MYL1: variants seen among roughly 807,000 people sequenced by gnomAD.
The protein encoded by MYL1 is myosin light chain 1, also known as myosin light chain 1/3, skeletal muscle isoform.
A neutral mutation model predicts 21.8 loss-of-function variants in MYL1; 16 were observed. The observed-to-expected ratio is 0.74, with a 90% CI of 0.50 to 1.12. MYL1 has a LOEUF of 1.12. Ranked by LOEUF, MYL1 falls within the 50% of genes most tolerant of loss-of-function variation. The pLI is 0.00. For synonymous variants in MYL1, 99 were observed against 85.2 expected (o/e 1.16, Z -0.89); for missense variants, 246 against 241.0 (o/e 1.02, Z -0.14).
intron 4 of MYL1, 121 bp from the exon 5 acceptor site, chr2:210,293,921 C>T (rs1449596487): frequency 2.4e-6 from 2 of 846,752 alleles, no homozygotes; most frequent in Non-Finnish European, 3.8e-6. Flanking sequence ...TGTGACTTTC[C>T]CATTCTTTTG....
At position 210,314,797 on chromosome 2, in the gene MYL1, G is replaced by A. The variant is rs374661582; in HGVS notation, c.132+114C>T. 3.6e-5 allele frequency: 41 copies of A among 1,148,906 alleles called. No homozygotes were observed. The African/African-American group carries it at 5.2e-4, about 15-fold the overall frequency. The allele number at this position is 1,148,906 out of a possible 1,614,324, so 71.2% of individuals were successfully genotyped here. On this transcript the variant is annotated intron_variant, in intron 1 of 6. Transcript: ENST00000352451. ...GGATTCTCTTCTTCATAATCTACCA[G>A]CTCACTAAATAATGCTATTCCTCTC...
At position 210,294,253 on chromosome 2, in the gene MYL1, G is replaced by A. The variant is rs772171298; in HGVS notation, c.470C>T (p.Ala157Val). The change falls in exon 4 of 7, where the codon GCC becomes GTC. Residue 157 changes from alanine to valine, a missense_variant. By Grantham distance (64) the Ala-to-Val change is moderately conservative (BLOSUM62 0). Coordinates refer to ENST00000352451, the MANE Select transcript of MYL1 (RefSeq NM_079420.3). ...VMGAELRHVL[A>V]TLGEKMKEEE... ...GAAATAAATTCCCTTACCCAGGGTG[G>A]CTAGAACATGGCGGAGTTCAGCACC... 2.5e-6 allele frequency: 4 copies of A among 1,611,272 alleles called. No homozygotes were observed. Among genetic ancestry groups the A allele is most frequent in the Non-Finnish European group, 3.4e-6 (4 of 1,178,852 alleles).
rs565301284 is a variant in MYL1 at position 210,302,885 on chromosome 2, T to C, written c.133-370A>G. 3.0e-5 allele frequency: 42 copies of C among 1,382,876 alleles called. No individual in the cohort carries two copies. The African/African-American group carries it at 5.8e-4, about 19-fold the overall frequency. The allele number at this position is 1,382,876 out of a possible 1,614,324, so 85.7% of individuals were successfully genotyped here. ...TGAGTGCTGGTTGCTCTGAGATTTT[T>C]AGGAAGCTATGTAGGTGTCTTGGCA... On this transcript the variant is annotated intron_variant, in intron 1 of 6. Transcript: ENST00000352451.
chr2:210,302,197 T>C (rs1690273879), intron 2 of MYL1, among the ~76,000 whole-genome samples: 1 of 152,158 alleles, frequency 6.6e-6, no homozygotes, highest in South Asian at 2.1e-4. Context: ...TATATATATA[T>C]ATGTATGGTA....
Position 210,291,152 on chromosome 2 carries a change from G to C in MYL1, c.557-78C>G. ...ATTTAATAAAAGAGAGGTTTAATGA[G>C]TTAGCTCAATCCTATTTTTAGCTGT... On this transcript the variant is annotated intron_variant, in intron 5 of 6. Transcript: ENST00000352451. 7.1e-6 allele frequency: 8 copies of C among 1,133,118 alleles called. No individual in the cohort carries two copies. The South Asian group carries it at 1.0e-4, about 15-fold the overall frequency. 70.2% of individuals were successfully genotyped at this position (1,133,118 alleles called of 1,614,324 possible).
intron 1 of MYL1, chr2:210,303,715 G>T: frequency 1.2e-6 from 1 of 814,114 alleles, no homozygotes; most frequent in Non-Finnish European, 1.8e-6. Context: ...CCCTTGGAGA[G>T]TTCTTTAGCT....
chr2:210,311,557 A>G (rs538752226), intron 1 of MYL1, among the ~76,000 whole-genome samples: 15 of 152,066 alleles, frequency 9.9e-5, no homozygotes, highest in Non-Finnish European at 2.1e-4. Context: ...CAAACAGCAC[A>G]GTGAGAGACA....
At chr2:210,294,664 T>C (rs1169225395) in intron 3 of MYL1, among the ~76,000 whole-genome samples, 1 of 152,284 alleles carries the variant, frequency 6.6e-6, no homozygotes, top group East Asian at 1.9e-4. Flanking sequence ...GTTAACCTTT[T>C]TGTGCCTCAA....
At position 210,298,446 on chromosome 2, in the gene MYL1, T is replaced by C; in HGVS notation, c.278A>G (p.Lys93Arg). The change falls in exon 3 of 7, where the codon AAA becomes AGA. Residue 93 changes from lysine (K) to arginine (R), a missense_variant. Physicochemically the swap from Lys to Arg is conservative, Grantham distance 26 (BLOSUM62 2). Coordinates refer to ENST00000352451, the MANE Select transcript of MYL1 (RefSeq NM_079420.3). ...TTCATTGCTGGGGTTTCCCAGAACT[T>C]TCCTGACCTCTGCATTGGTGGGATT... is the stretch of plus-strand genomic sequence containing the variant. ...GTNPTNAEVR[K>R]VLGNPSNEEL... 2.5e-6 allele frequency: 4 copies of C among 1,613,886 alleles called. No homozygotes were observed. The highest frequency in any genetic ancestry group is 3.4e-6 in the Non-Finnish European group (4 of 1,179,936).
At chr2:210,292,464 T>A (rs1053517154) in intron 5 of MYL1, among the ~76,000 whole-genome samples, 2 of 152,244 alleles carry the variant, frequency 1.3e-5, no homozygotes, top group Non-Finnish European at 2.9e-5. Flanking sequence ...TGTCTGTTCA[T>A]GTACTTGCTA....
At chr2:210,300,755 A>G (rs1690253025) in intron 2 of MYL1, among the ~76,000 whole-genome samples, 1 of 152,062 alleles carries the variant, frequency 6.6e-6, no homozygotes, top group African/African-American at 2.4e-5. Flanking sequence ...GCTAGTGTCT[A>G]CTGGAGAGCA....
chr2:210,309,986 A>G (rs1690394544), intron 1 of MYL1, among the ~76,000 whole-genome samples: 1 of 152,028 alleles, frequency 6.6e-6, no homozygotes, highest in Non-Finnish European at 1.5e-5. Flanking sequence ...ATATTTTCCC[A>G]CTTCTCTCCA....
chr2:210,309,624 T>A (rs1297826864), intron 1 of MYL1, among the ~76,000 whole-genome samples: 1 of 152,060 alleles, frequency 6.6e-6, no homozygotes, highest in East Asian at 1.9e-4. Flanking sequence ...CAGAAGATCT[T>A]GTTTTTATAT....
chr2:210,303,122 T>C (rs902053774), intron 1 of MYL1, among the ~76,000 whole-genome samples: 1 of 152,182 alleles, frequency 6.6e-6, no homozygotes, highest in African/African-American at 2.4e-5. Flanking sequence ...CTACCTTAAG[T>C]CTGTCTTCTA....
chr2:210,307,350 A>G (rs1690353446), intron 1 of MYL1, among the ~76,000 whole-genome samples: 1 of 152,108 alleles, frequency 6.6e-6, no homozygotes, highest in Non-Finnish European at 1.5e-5. Context: ...AGCTCAATAG[A>G]TTTTCATTAA....
At chr2:210,301,786 T>G (rs1690268799) in intron 2 of MYL1, among the ~76,000 whole-genome samples, 1 of 152,286 alleles carries the variant, frequency 6.6e-6, no homozygotes, top group Admixed American at 6.5e-5. Flanking sequence ...CTCTTGAATC[T>G]TAAGAGTTTG....
At chr2:210,296,766 TA>T (rs1690179662) in intron 3 of MYL1, among the ~76,000 whole-genome samples, 1 of 152,096 alleles carries the variant, frequency 6.6e-6, no homozygotes, top group Non-Finnish European at 1.5e-5. Flanking sequence ...TGGTATTTAT[TA>T]ACCAACTTCT....
At chr2:210,312,629 G>A (rs190647441) in intron 1 of MYL1, among the ~76,000 whole-genome samples, 156 of 151,958 alleles carry the variant, frequency 1.0e-3, no homozygotes, top group African/African-American at 3.5e-3. Flanking sequence ...GCAAAGCATT[G>A]AAGATATTTA....
chr2:210,314,798 C>A, intron 1 of MYL1, 113 bp downstream of exon 1: 1 of 1,156,818 alleles, frequency 8.6e-7, no homozygotes. Flanking sequence ...AATCTACCAG[C>A]TCACTAAATA....
Sources: gnomAD v4.1 joint callset for allele counts (sites outside exome capture counted in the v4.1 genomes callset) on GRCh38, gnomAD v4.1.1 for gene constraint, MANE v1.5 for transcripts, NCBI Gene and HGNC (gene_info 2026-07-23, HGNC 2026-07-21) for gene names.